BBS9: variants seen among roughly 807,000 people sequenced by gnomAD.
The protein encoded by BBS9 is Bardet-Biedl syndrome 9, also known as protein PTHB1.
In BBS9, 89 loss-of-function variants were observed where a neutral mutation model predicts 117.7. That is an observed-to-expected ratio of 0.76 (90% CI 0.64 to 0.90). BBS9 has a LOEUF of 0.90. Among genes scored for constraint, BBS9 ranks in the 40% least tolerant of loss-of-function variants. BBS9 has a pLI of 0.00. For synonymous variants in BBS9, 379 were observed against 370.9 expected (o/e 1.02, Z -0.25); for missense variants, 982 against 1,042.2 (o/e 0.94, Z 0.80).
intron 5 of BBS9, among the ~76,000 whole-genome samples, chr7:33,224,691 A>G (rs1049262803): frequency 6.6e-6 from 1 of 152,122 alleles, no homozygotes; most frequent in African/African-American, 2.4e-5. Flanking sequence ...GATTTTGCTC[A>G]TTGCATCCCC....
intron 9 of BBS9, among the ~76,000 whole-genome samples, chr7:33,278,286 T>G (rs941340196): frequency 4.6e-5 from 7 of 152,176 alleles, no homozygotes; most frequent in Non-Finnish European, 1.5e-5. Flanking sequence ...GGCATAGTTG[T>G]GGTATGGGTT....
In BBS9 at chr7:33,257,353, G is replaced by A; in HGVS notation, c.560G>A (p.Ser187Asn). ...CTTCTGCCTGGTCCTCTTGCCTACA[G>A]TTCCCGTACAGATTCCTTCCTTACT... is the stretch of plus-strand genomic sequence containing the variant. ...GFLLPGPLAY[S>N]SRTDSFLTVS... Residue 187 changes from serine to asparagine, a missense_variant, in exon 6 of 23, where the codon AGT becomes AAT. By Grantham distance (46) the Ser-to-Asn change is conservative. Coordinates refer to ENST00000242067, the MANE Select transcript of BBS9 (RefSeq NM_198428.3). 1 of 1,613,990 alleles carries A rather than the reference G, an allele frequency of 6.2e-7. No individual in the cohort carries two copies. Among genetic ancestry groups the A allele is most frequent in the South Asian group, 1.1e-5 (1 of 91,082 alleles).
chr7:33,563,273 A>G (rs1193082739), intron 21 of BBS9, among the ~76,000 whole-genome samples: 1 of 152,188 alleles, frequency 6.6e-6, no homozygotes, highest in Non-Finnish European at 1.5e-5. Flanking sequence ...TATGCATTTC[A>G]CTTCAACTTT....
chr7:33,353,855 A>G (rs986435666), intron 15 of BBS9, among the ~76,000 whole-genome samples: 1 of 152,090 alleles, frequency 6.6e-6, no homozygotes, highest in Non-Finnish European at 1.5e-5. Context: ...TAGCTTAATA[A>G]CACAAAGTAT....
intron 9 of BBS9, among the ~76,000 whole-genome samples, chr7:33,334,075 T>C (rs1814753528): frequency 6.6e-6 from 1 of 152,364 alleles, no homozygotes; most frequent in Middle Eastern, 3.4e-3. Flanking sequence ...AAAGTGTTTT[T>C]AGAGAGTCTG....
At chr7:33,184,028 C>T (rs565317373) in intron 5 of BBS9, among the ~76,000 whole-genome samples, 44 of 152,012 alleles carry the variant, frequency 2.9e-4, no homozygotes, top group African/African-American at 1.0e-3. Flanking sequence ...CCTCACAAAT[C>T]CTTTTTCTCA....
chr7:33,607,967 C>T (rs979160606), downstream of BBS9, among the ~76,000 whole-genome samples: 1 of 151,074 alleles, frequency 6.6e-6, no homozygotes, highest in African/African-American at 2.4e-5. Context: ...CTGGGTGATG[C>T]TGAGGTTTGG....
chr7:33,207,651 A>C (rs1243463690), intron 5 of BBS9, among the ~76,000 whole-genome samples: 5 of 152,000 alleles, frequency 3.3e-5, no homozygotes, highest in Non-Finnish European at 7.4e-5. Context: ...CAAGATATAG[A>C]TGCTAGGTGT....
chr7:33,222,322 A>G (rs1474566667), intron 5 of BBS9, among the ~76,000 whole-genome samples: 1 of 152,196 alleles, frequency 6.6e-6, no homozygotes, highest in East Asian at 1.9e-4. Flanking sequence ...TCCCTAAGCT[A>G]GCAGAATGCA....
chr7:33,484,886 A>G (rs1297712290), intron 19 of BBS9, among the ~76,000 whole-genome samples: 1 of 152,238 alleles, frequency 6.6e-6, no homozygotes, highest in Non-Finnish European at 1.5e-5. Context: ...AAGACATGGA[A>G]TCAGCGCAAA....
intron 9 of BBS9, among the ~76,000 whole-genome samples, chr7:33,281,143 A>G (rs559795772): frequency 2.0e-5 from 3 of 151,514 alleles, no homozygotes; most frequent in East Asian, 1.9e-4. Flanking sequence ...TTTCATTACT[A>G]TATTTTTCTG....
At chr7:33,264,980 G>T (rs980015220) in intron 7 of BBS9, among the ~76,000 whole-genome samples, 5 of 152,150 alleles carry the variant, frequency 3.3e-5, no homozygotes, top group African/African-American at 1.2e-4. Context: ...AGACAAAGGT[G>T]AAGTTTGATA....
At position 33,264,316 on chromosome 7, in the gene BBS9, A is replaced by T. The variant is rs1427785353; in HGVS notation, c.644A>T (p.Asp215Val). 1.3e-6 allele frequency: 2 copies of T among 1,562,406 alleles called. No homozygotes were observed. Among genetic ancestry groups the T allele is most frequent in the Non-Finnish European group, 1.7e-6 (2 of 1,153,822 alleles). ...YKYQVLAFATDADKRQETEQQ... is the reference protein window; with the variant it reads ...YKYQVLAFATVADKRQETEQQ... ...TACCAGGTACTTGCTTTTGCAACAG[A>T]TGCAGATAAAAGGCAGGAGACTGAA... The change falls in exon 7 of 23, where the codon GAT becomes GTT. Residue 215 changes from aspartate (D) to valine (V), a missense_variant. Coordinates refer to ENST00000242067, the MANE Select transcript of BBS9 (RefSeq NM_198428.3).
intron 21 of BBS9, among the ~76,000 whole-genome samples, chr7:33,569,488 G>A (rs1194990258): frequency 6.6e-6 from 1 of 151,760 alleles, no homozygotes; most frequent in Non-Finnish European, 1.5e-5. Flanking sequence ...GGGCGCAGTG[G>A]CCCACGCCTG....
intron 21 of BBS9, among the ~76,000 whole-genome samples, chr7:33,578,727 G>A (rs1859368288): frequency 6.6e-6 from 1 of 152,086 alleles, no homozygotes; most frequent in African/African-American, 2.4e-5. Flanking sequence ...TTGCCTTTTG[G>A]GAAGGACTCA....
chr7:33,222,671 G>T (rs893419089), intron 5 of BBS9, among the ~76,000 whole-genome samples: 4 of 152,022 alleles, frequency 2.6e-5, no homozygotes, highest in Non-Finnish European at 5.9e-5. Context: ...TGTGGCGCCA[G>T]GTGCGGTGGC....
chr7:33,409,222 T>G (rs1019419508), intron 19 of BBS9, among the ~76,000 whole-genome samples: 1 of 152,258 alleles, frequency 6.6e-6, no homozygotes, highest in African/African-American at 2.4e-5. Context: ...AGGCATAAAT[T>G]CGTTGCCACA....
chr7:33,142,101 T>G (rs2128082960), intron 1 of BBS9, among the ~76,000 whole-genome samples: 1 of 152,276 alleles, frequency 6.6e-6, no homozygotes, highest in South Asian at 2.1e-4. Flanking sequence ...TTTTGTATTC[T>G]TAGTAGAGAC....
intron 19 of BBS9, among the ~76,000 whole-genome samples, chr7:33,406,686 A>T (rs1298011638): frequency 1.3e-5 from 2 of 151,162 alleles, no homozygotes; most frequent in Non-Finnish European, 3.0e-5. Flanking sequence ...TTTCTCCTTC[A>T]CTTATGAAGC....
Sources: gnomAD v4.1 joint callset for allele counts (sites outside exome capture counted in the v4.1 genomes callset) on GRCh38, gnomAD v4.1.1 for gene constraint, MANE v1.5 for transcripts, NCBI Gene and HGNC (gene_info 2026-07-23, HGNC 2026-07-21) for gene names.